Variants in FHIT observed in about 807,000 individuals in gnomAD.
FHIT encodes fragile histidine triad diadenosine triphosphatase.
A neutral mutation model predicts 17.9 loss-of-function variants in FHIT; 19 were observed. That is an observed-to-expected ratio of 1.06 (90% CI 0.74 to 1.56). FHIT has a LOEUF of 1.56. Ranked by LOEUF, FHIT falls within the 40% of genes most tolerant of loss-of-function variation. The pLI, the probability that FHIT is intolerant of heterozygous loss-of-function variation, is 0.00. For synonymous variants in FHIT, 81 were observed against 69.7 expected (o/e 1.16, Z -0.81); for missense variants, 248 against 189.2 (o/e 1.31, Z -1.82).
At chr3:59,786,867 T>C (rs1699329876) in intron 8 of FHIT, among the ~76,000 whole-genome samples, 1 of 152,208 alleles carries the variant, frequency 6.6e-6, no homozygotes, top group South Asian at 2.1e-4. Context: ...ATTGAAGAAA[T>C]CAAGGTGCCA....
At chr3:60,158,300 A>G (rs1559685242) in intron 5 of FHIT, among the ~76,000 whole-genome samples, 1 of 151,928 alleles carries the variant, frequency 6.6e-6, no homozygotes, top group Non-Finnish European at 1.5e-5. Flanking sequence ...AAGACAAAAC[A>G]AGACTATTTC....
intron 5 of FHIT, among the ~76,000 whole-genome samples, chr3:60,057,693 G>GAA (rs111902847): frequency 5.2e-5 from 7 of 133,756 alleles, no homozygotes; most frequent in Non-Finnish European, 6.5e-5. Flanking sequence ...CAGGCCTCTC[G>GAA]AAAAAAAAAA....
chr3:60,621,644 C>T (rs896076713), intron 4 of FHIT, among the ~76,000 whole-genome samples: 1 of 151,882 alleles, frequency 6.6e-6, no homozygotes, highest in Admixed American at 6.6e-5. Flanking sequence ...TACAAACACA[C>T]TTTTGGCTTT....
At chr3:59,758,092 G>A (rs186446236) in intron 8 of FHIT, among the ~76,000 whole-genome samples, 103 of 152,282 alleles carry the variant, frequency 6.8e-4, no homozygotes, top group African/African-American at 2.4e-3. Flanking sequence ...CTGGGGCAGG[G>A]GGAGACAAAA....
At chr3:60,502,652 C>A (rs796668200) in intron 5 of FHIT, among the ~76,000 whole-genome samples, 1 of 152,116 alleles carries the variant, frequency 6.6e-6, no homozygotes, top group African/African-American at 2.4e-5. Context: ...ATGTACCAGA[C>A]ATTGTGTTAA....
At chr3:60,139,168 A>G (rs1699933009) in intron 5 of FHIT, among the ~76,000 whole-genome samples, 1 of 152,192 alleles carries the variant, frequency 6.6e-6, no homozygotes, top group South Asian at 2.1e-4. Context: ...AAGCATCTGG[A>G]AATGTAATGT....
At chr3:60,538,453 A>G (rs937033609) in intron 4 of FHIT, among the ~76,000 whole-genome samples, 2 of 152,220 alleles carry the variant, frequency 1.3e-5, no homozygotes, top group African/African-American at 4.8e-5. Context: ...TAAAGTTCAT[A>G]TGGAACCAAA....
chr3:59,786,271 T>G (rs1699289224), intron 8 of FHIT, among the ~76,000 whole-genome samples: 1 of 152,154 alleles, frequency 6.6e-6, no homozygotes, highest in Non-Finnish European at 1.5e-5. Context: ...TCCATCTCCC[T>G]CACCACTTAA....
intron 8 of FHIT, among the ~76,000 whole-genome samples, chr3:59,776,006 G>A (rs1208918284): frequency 6.6e-6 from 1 of 152,206 alleles, no homozygotes; most frequent in Non-Finnish European, 1.5e-5. Context: ...TAATGTTTCT[G>A]TGAGCTAACA....
chr3:61,186,920 T>C (rs2038532384), intron 2 of FHIT, among the ~76,000 whole-genome samples: 1 of 152,212 alleles, frequency 6.6e-6, no homozygotes, highest in African/African-American at 2.4e-5. Context: ...CCGCTCCAAA[T>C]GAGGAGGCCT....
chr3:61,174,003 C>A (rs551141735), intron 2 of FHIT, among the ~76,000 whole-genome samples: 6 of 152,170 alleles, frequency 3.9e-5, no homozygotes, highest in South Asian at 2.1e-4. Flanking sequence ...GAATCTTGAC[C>A]TGCAGTAATT....
chr3:60,165,559 A>G (rs539020292), intron 5 of FHIT, among the ~76,000 whole-genome samples: 1 of 152,298 alleles, frequency 6.6e-6, no homozygotes, highest in South Asian at 2.1e-4. Flanking sequence ...GAAGACCACA[A>G]TATTTTGCAA....
intron 5 of FHIT, among the ~76,000 whole-genome samples, chr3:60,321,405 G>C (rs887425506): frequency 1.3e-5 from 2 of 152,278 alleles, no homozygotes; most frequent in East Asian, 1.9e-4. Flanking sequence ...GAACTCCGGA[G>C]GTCAAGTCTG....
chr3:61,150,509 A>T (rs1481235529), intron 2 of FHIT, among the ~76,000 whole-genome samples: 2 of 152,116 alleles, frequency 1.3e-5, no homozygotes, highest in Non-Finnish European at 2.9e-5. Flanking sequence ...AAGGCCACCA[A>T]ATGTTCTTAT....
intron 5 of FHIT, among the ~76,000 whole-genome samples, chr3:60,473,564 G>T (rs1361778749): frequency 6.6e-6 from 1 of 152,142 alleles, no homozygotes. Flanking sequence ...AACTACAAAG[G>T]TGGTGCTTTG....
chr3:60,631,164 G>A (rs1044328532), intron 4 of FHIT, among the ~76,000 whole-genome samples: 3 of 151,990 alleles, frequency 2.0e-5, no homozygotes, highest in Non-Finnish European at 4.4e-5. Context: ...AGCTTGAGGC[G>A]CCCCTCCTCC....
intron 5 of FHIT, among the ~76,000 whole-genome samples, chr3:60,017,689 AACTG>A (rs1451101631): frequency 2.0e-5 from 3 of 152,144 alleles, no homozygotes; most frequent in South Asian, 4.1e-4. Context: ...ACCAGCCCAG[AACTG>A]ACTATCTCTC....
chr3:61,102,203 GTTC>G (rs1358035891), intron 2 of FHIT, among the ~76,000 whole-genome samples: 7 of 152,102 alleles, frequency 4.6e-5, no homozygotes, highest in Non-Finnish European at 1.0e-4. Flanking sequence ...GTCATAAATA[GTTC>G]TTATTATTTT....
At chr3:60,170,541 A>C (rs1282892968) in intron 5 of FHIT, among the ~76,000 whole-genome samples, 2 of 152,206 alleles carry the variant, frequency 1.3e-5, no homozygotes, top group Admixed American at 6.5e-5. Flanking sequence ...GTGTGACCCC[A>C]GCACTTAGGA....
Sources: allele counts gnomAD v4.1 joint callset (sites outside exome capture counted in the v4.1 genomes callset), GRCh38; gene constraint gnomAD v4.1.1; transcripts MANE v1.5; gene names NCBI Gene and HGNC (gene_info 2026-07-23, HGNC 2026-07-21).